The following UNC13B variants were observed in gnomAD, a reference collection of about 807,000 sequenced individuals.
The protein encoded by UNC13B is unc-13 homolog B.
A neutral mutation model predicts 211.0 loss-of-function variants in UNC13B; 144 were observed. The ratio of observed to expected loss-of-function variants is 0.68; its 90% CI spans 0.60 to 0.78. UNC13B has a LOEUF of 0.78. Ranked by LOEUF, UNC13B falls within the 30% of genes least tolerant of loss-of-function variation. The probability of loss-of-function intolerance (pLI) is 0.00; values close to 1 mark genes in which losing one functional copy is unlikely to be tolerated. For missense variants in UNC13B, 1,777 were observed against 2,002.0 expected (o/e 0.89, Z 2.14); for synonymous variants, 709 against 725.8 (o/e 0.98, Z 0.37).
In UNC13B at chr9:35,300,918, C is replaced by T. The variant is rs556800474; in HGVS notation, c.1514C>T (p.Thr505Met). ...AGTACTCTTGATGCAGAACAGAGAA[C>T]GCCTGGGGATCAAATACCACCTTTA... is the stretch of plus-strand genomic sequence containing the variant. ...QNSTLDAEQRTPGDQIPPLTI... is the reference protein window; with the variant it reads ...QNSTLDAEQRMPGDQIPPLTI... Residue 505 changes from threonine (T) to methionine (M), a missense_variant, in exon 9 of 40, where the codon ACG becomes ATG. Thr to Met is a moderately conservative substitution (Grantham distance 81). Coordinates refer to ENST00000635942, the MANE Select transcript of UNC13B (RefSeq NM_001371189.2). The T allele has an allele frequency of 1.0e-4, 41 of 398,874 alleles. No homozygotes were observed. In the South Asian group the frequency reaches 3.3e-3, roughly 32 times the overall value. The allele number at this position is 398,874 out of a possible 1,614,324, so 24.7% of individuals were successfully genotyped here. A position where few individuals can be genotyped will look rare whatever the true frequency, so the allele number is the denominator to read the frequency against.
chr9:35,217,625 G>A (rs1271410614), intron 1 of UNC13B, among the ~76,000 whole-genome samples: 3 of 152,078 alleles, frequency 2.0e-5, no homozygotes, highest in Middle Eastern at 6.9e-3. Context: ...TCCTGACCTC[G>A]TGATCCGCCC....
At chr9:35,196,897 A>G (rs1422195999) in intron 1 of UNC13B, among the ~76,000 whole-genome samples, 1 of 152,058 alleles carries the variant, frequency 6.6e-6, no homozygotes, top group Non-Finnish European at 1.5e-5. Flanking sequence ...CAGCCTCCAG[A>G]GAAGCTGAGA....
chr9:35,309,569 C>G (rs940219453), intron 9 of UNC13B, among the ~76,000 whole-genome samples: 4 of 152,170 alleles, frequency 2.6e-5, no homozygotes, highest in African/African-American at 9.7e-5. Context: ...GCTCTTCTTT[C>G]CACCACTCTG....
At chr9:35,363,055 T>C (rs1279430656) in intron 11 of UNC13B, among the ~76,000 whole-genome samples, 1 of 152,126 alleles carries the variant, frequency 6.6e-6, no homozygotes, top group Admixed American at 6.5e-5. Context: ...TGGAACAGAA[T>C]GAGTAAATAA....
At chr9:35,253,960 T>A (rs940322038) in intron 6 of UNC13B, among the ~76,000 whole-genome samples, 1 of 152,226 alleles carries the variant, frequency 6.6e-6, no homozygotes, top group Non-Finnish European at 1.5e-5. Flanking sequence ...CTTGATGTTA[T>A]CAGATTTTAA....
chr9:35,354,775 A>C (rs143190227), intron 11 of UNC13B, among the ~76,000 whole-genome samples: 2 of 152,220 alleles, frequency 1.3e-5, no homozygotes, highest in Admixed American at 1.3e-4. Context: ...GGGAATATGC[A>C]CTTGTACGTT....
intron 26 of UNC13B, among the ~76,000 whole-genome samples, chr9:35,395,935 A>G (rs756207287): frequency 3.3e-5 from 5 of 152,132 alleles, no homozygotes; most frequent in Non-Finnish European, 7.4e-5. Context: ...TTGCCTCAAG[A>G]TTCCATTACA....
chr9:35,311,970 G>A (rs998853691), intron 10 of UNC13B, among the ~76,000 whole-genome samples: 4 of 152,172 alleles, frequency 2.6e-5, no homozygotes, highest in Non-Finnish European at 4.4e-5. Flanking sequence ...CTCGGCACTC[G>A]TGACATTTTG....
At chr9:35,379,777 A>C (rs1834694383) in intron 17 of UNC13B, among the ~76,000 whole-genome samples, 1 of 152,170 alleles carries the variant, frequency 6.6e-6, no homozygotes, top group African/African-American at 2.4e-5. Context: ...GTAATATTTT[A>C]ATGGAATGTG....
At chr9:35,329,703 G>T (rs1259571326) in intron 11 of UNC13B, among the ~76,000 whole-genome samples, 2 of 151,936 alleles carry the variant, frequency 1.3e-5, no homozygotes, top group African/African-American at 4.8e-5. Context: ...TGCCCAGGCT[G>T]GTCTCGAACT....
chr9:35,181,104 CAAACAAAA>C (rs940520004), intron 1 of UNC13B, among the ~76,000 whole-genome samples: 2 of 151,816 alleles, frequency 1.3e-5, no homozygotes, highest in African/African-American at 4.8e-5. Flanking sequence ...TTTCAAAAAA[CAAACAAAA>C]AAACAAAAAC....
chr9:35,230,286 C>T (rs530271951), intron 2 of UNC13B, among the ~76,000 whole-genome samples: 2 of 152,038 alleles, frequency 1.3e-5, no homozygotes, highest in East Asian at 1.9e-4. Context: ...GCCTGGCCAA[C>T]GTGGTGAAAC....
Position 35,400,417 on chromosome 9 carries a change from C to T in UNC13B, c.12458C>T (p.Thr4153Ile). The part of the protein sequence containing the change: ...YTQTTDTLIK[T>I]FVRSQTTQGS... ...CAGACTACTGACACTCTCATCAAGA[C>T]CTTTGTGCGCTCGCAGACCACCCAA... is the stretch of plus-strand genomic sequence containing the variant. Residue 4153 changes from threonine to isoleucine, a missense_variant, in exon 37 of 40, where the codon ACC (threonine) becomes ATC (isoleucine). Transcript: ENST00000635942. 1.2e-6 allele frequency: 2 copies of T among 1,613,758 alleles called. No individual in the cohort carries two copies. The highest frequency in any genetic ancestry group is 1.7e-6 in the Non-Finnish European group (2 of 1,179,832).
chr9:35,359,176 C>T (rs953478020), intron 11 of UNC13B, among the ~76,000 whole-genome samples: 1 of 152,102 alleles, frequency 6.6e-6, no homozygotes, highest in African/African-American at 2.4e-5. Flanking sequence ...TATGTCTGGA[C>T]TCAATTCTAT....
chr9:35,399,412 T>C lies in UNC13B; in HGVS notation c.12219T>C (p.Thr4073=). ...CCCAGGGCACCCAGCTGATCTTCAC[T>C]GCTGCCAAGGAGCTGAGCCATCTTT... The part of the protein sequence containing the change: ...TDQTGTQLIF[T]AAKELSHLSK... Residue 4073 remains threonine (T), a synonymous_variant, in exon 35 of 40, where the codon ACT becomes ACC. Transcript: ENST00000635942. 1.2e-6 allele frequency: 2 copies of C among 1,614,148 alleles called. No homozygotes were observed. The highest frequency in any genetic ancestry group is 1.7e-6 in the Non-Finnish European group (2 of 1,180,026).
At chr9:35,248,285 T>C (rs1166257909) in intron 6 of UNC13B, among the ~76,000 whole-genome samples, 1 of 152,204 alleles carries the variant, frequency 6.6e-6, no homozygotes, top group Non-Finnish European at 1.5e-5. Context: ...ATCAATTTTG[T>C]TGATTTTTTC....
intron 7 of UNC13B, among the ~76,000 whole-genome samples, chr9:35,290,903 G>A (rs1213257604): frequency 6.6e-6 from 1 of 152,090 alleles, no homozygotes; most frequent in Non-Finnish European, 1.5e-5. Flanking sequence ...TCTCACATTT[G>A]GTAGAAGGCA....
intron 1 of UNC13B, among the ~76,000 whole-genome samples, chr9:35,221,814 A>C (rs1402643545): frequency 6.6e-6 from 1 of 152,182 alleles, no homozygotes; most frequent in African/African-American, 2.4e-5. Flanking sequence ...ACTCATTTCA[A>C]GTTTTGCATA....
chr9:35,329,769 C>T (rs1831263803), intron 11 of UNC13B, among the ~76,000 whole-genome samples: 2 of 152,098 alleles, frequency 1.3e-5, no homozygotes, highest in African/African-American at 4.8e-5. Flanking sequence ...GATTACACCA[C>T]GCCTGGTCAA....
Sources: gnomAD v4.1 joint callset for allele counts (sites outside exome capture counted in the v4.1 genomes callset) on GRCh38, gnomAD v4.1.1 for gene constraint, MANE v1.5 for transcripts, NCBI Gene and HGNC (gene_info 2026-07-23, HGNC 2026-07-21) for gene names.